SLC28A2: variants seen among roughly 807,000 people sequenced by gnomAD.
The protein encoded by SLC28A2 is solute carrier family 28 member 2, also known as sodium/nucleoside cotransporter 2.
Under a neutral mutation model 72.9 loss-of-function variants are expected in SLC28A2, and 69 were observed. The observed-to-expected ratio is 0.95, with a 90% CI of 0.78 to 1.16. SLC28A2 has a LOEUF of 1.16. SLC28A2 is among the 50% of genes most tolerant of loss of function. SLC28A2 has a pLI of 0.00. For synonymous variants in SLC28A2, 296 were observed against 294.1 expected, an observed-to-expected ratio of 1.01 and a Z score of -0.07; for missense variants, 745 against 791.1, an observed-to-expected ratio of 0.94 and a Z score of 0.70.
chr15:45,265,159 C>T lies in SLC28A2; in HGVS notation c.773C>T (p.Ala258Val). 1 of 1,600,330 alleles carries T rather than the reference C, an allele frequency of 6.2e-7. No individual in the cohort carries two copies. Among genetic ancestry groups the T allele is most frequent in the Non-Finnish European group, 8.6e-7 (1 of 1,167,590 alleles). ...GATACACTGGTCAAGGATGTCTTTG[C>T]TTTTCAGGTGATACCTATTTTATGG... ...FGDTLVKDVF[A>V]FQALPIIIFF... is the part of the protein sequence containing the mutation. Residue 258 changes from alanine to valine, a missense_variant, in exon 8 of 18, where the codon GCT (alanine) becomes GTT (valine). Physicochemically the swap from Ala to Val is moderately conservative, Grantham distance 64 (BLOSUM62 0). Transcript: ENST00000347644.
chr15:45,265,261 T>G, intron 8 of SLC28A2, 95 bp downstream of exon 8: 1 of 858,418 alleles, frequency 1.2e-6, no homozygotes, highest in Non-Finnish European at 2.0e-6. Context: ...TCAGCGCCCC[T>G]GTATACCAAT....
At chr15:45,253,044 C>T (rs1567054586) in intron 1 of SLC28A2, among the ~76,000 whole-genome samples, 156 bp from the exon 2 acceptor site, 1 of 152,166 alleles carries the variant, frequency 6.6e-6, no homozygotes, top group Non-Finnish European at 1.5e-5. Context: ...ATTACACATC[C>T]AATCTTCTCA....
intron 6 of SLC28A2, 61 bp downstream of exon 6, chr15:45,264,083 A>T: frequency 2.0e-6 from 3 of 1,466,888 alleles, no homozygotes; most frequent in Non-Finnish European, 2.8e-6. Flanking sequence ...AGTGCTAATC[A>T]TAAAGCGTAT....
chr15:45,252,412 G>A (rs1347682092), intron 1 of SLC28A2, 134 bp downstream of exon 1: 1 of 394,580 alleles, frequency 2.5e-6, no homozygotes, highest in Admixed American at 3.4e-5. Context: ...TTGGTTATGT[G>A]TGTTTAATGA....
Position 45,272,314 on chromosome 15 carries a change from G to C in SLC28A2, c.1668G>C (p.Arg556=), listed in dbSNP as rs756638025. 4.3e-6 allele frequency: 7 copies of C among 1,613,818 alleles called. No homozygotes were observed. In the South Asian group the frequency reaches 6.6e-5, roughly 15 times the overall value. The change falls in exon 16 of 18, where the codon CGG becomes CGC. Residue 556 remains arginine, a synonymous_variant. Transcript: ENST00000347644. ...LGGLTSIVPH[R]KSDLSKVVVR... is the part of the protein sequence containing the mutation. Reference sequence around the variant, plus strand: ...CTGCAGCATCAATAGTACCTCACCGGAAGAGTGACTTGTCCAAGGTTGTGG... The same window carrying C: ...CTGCAGCATCAATAGTACCTCACCGCAAGAGTGACTTGTCCAAGGTTGTGG...
chr15:45,265,233 A>C (rs759642652), intron 8 of SLC28A2, 67 bp downstream of exon 8: 17 of 1,115,010 alleles, frequency 1.5e-5, no homozygotes, highest in Non-Finnish European at 1.8e-5. Context: ...CAGAGGATGA[A>C]AGTGTGTGTC....
intron 15 of SLC28A2, among the ~76,000 whole-genome samples, chr15:45,271,350 A>G (rs551081929): frequency 2.3e-4 from 35 of 152,234 alleles, no homozygotes; most frequent in African/African-American, 7.2e-4. Flanking sequence ...ATTGCTTGCT[A>G]TAGGAGTTTG....
Position 45,266,165 on chromosome 15 carries a change from A to C in SLC28A2, c.942+4A>C. The C allele has an allele frequency of 6.2e-7, 1 of 1,606,568 alleles. No individual in the cohort carries two copies. Among genetic ancestry groups the C allele is most frequent in the Non-Finnish European group, 8.5e-7 (1 of 1,173,088 alleles). ...AGGAAACATCTTTGTGGGTATGGTA[A>C]GCACCTTGAGGACTTTTGGTCTTCT... On this transcript the variant is annotated splice_donor_region_variant and intron_variant, in intron 10 of 17. Coordinates refer to ENST00000347644, the MANE Select transcript of SLC28A2 (RefSeq NM_004212.4).
chr15:45,253,361 T>C, intron 2 of SLC28A2, 65 bp downstream of exon 2: 1 of 1,552,338 alleles, frequency 6.4e-7, no homozygotes, highest in Non-Finnish European at 8.9e-7. Context: ...TGTAGGGTAT[T>C]TGGCTGCTCT....
intron 15 of SLC28A2, 116 bp from the exon 16 acceptor site, chr15:45,272,179 A>T (rs926512671): frequency 1.6e-5 from 12 of 739,388 alleles, no homozygotes; most frequent in Non-Finnish European, 2.3e-5. Context: ...GGTAATAAGG[A>T]TGCTCTTCAT....
chr15:45,265,838 G>A (rs1900316486), intron 9 of SLC28A2, among the ~76,000 whole-genome samples, 175 bp downstream of exon 9: 1 of 152,228 alleles, frequency 6.6e-6, no homozygotes, highest in African/African-American at 2.4e-5. Context: ...GCTGAGGGCA[G>A]AGCAGAGAGA....
rs202176699 is a variant in SLC28A2, at chr15:45,275,535, A to C, written c.*22A>C. On this transcript the variant is annotated 3_prime_UTR_variant, in exon 18 of 18. Coordinates refer to ENST00000347644, the MANE Select transcript of SLC28A2 (RefSeq NM_004212.4). ...CTAAGGCTGCTTGATCTATTTCTAT[A>C]ACAGTTTTGATCTTAAAAGCTTTGT... The C allele has an allele frequency of 6.9e-7, 1 of 1,454,234 alleles. No individual in the cohort carries two copies. The highest frequency in any genetic ancestry group is 9.6e-7 in the Non-Finnish European group (1 of 1,037,920). 90.1% of individuals were successfully genotyped at this position (1,454,234 alleles called of 1,614,324 possible).
Position 45,267,797 on chromosome 15 carries a change from G to T in SLC28A2, c.1199+1G>T. 6.2e-7 allele frequency: 1 copy of T among 1,613,938 alleles called. No homozygotes were observed. The highest frequency in any genetic ancestry group is 8.5e-7 in the Non-Finnish European group (1 of 1,179,948). ...AGGAGGGGGTAAAGCTGCCCCGTGG[G>T]TGAGTCCAAGGAGGCATATACTTTG... On this transcript the variant is annotated splice_donor_variant, in intron 12 of 17. Coordinates refer to ENST00000347644, the MANE Select transcript of SLC28A2 (RefSeq NM_004212.4). LOFTEE classifies it high-confidence loss of function.
rs1900768046 is a variant in SLC28A2 at position 45,276,823 on chromosome 15, T to TA, written c.*1311dup. ...AAATCTGCAAACTTCTTAACAACAT[T>TA]ACACAGTAAACAAAAAATACTTCCT... On this transcript the variant is annotated 3_prime_UTR_variant, in exon 18 of 18. Coordinates refer to ENST00000347644, the MANE Select transcript of SLC28A2 (RefSeq NM_004212.4). 1 of 152,186 alleles carries TA rather than the reference T, an allele frequency of 6.6e-6. No homozygotes were observed. The highest frequency in any genetic ancestry group is 2.1e-4 in the South Asian group (1 of 4,826). 9.4% of individuals were successfully genotyped at this position (152,186 alleles called of 1,614,324 possible). A position where few individuals can be genotyped will look rare whatever the true frequency, so the allele number is the denominator to read the frequency against.
chr15:45,273,977 G>C (rs180760507), intron 17 of SLC28A2, among the ~76,000 whole-genome samples: 24 of 152,190 alleles, frequency 1.6e-4, no homozygotes, highest in Non-Finnish European at 2.5e-4. Flanking sequence ...ATTGTATTGA[G>C]ATGGGGTCTC....
Position 45,277,392 on chromosome 15 carries a change from G to A in SLC28A2, c.*1879G>A, listed in dbSNP as rs1411216401. 6.6e-6 allele frequency: 1 copy of A among 151,832 alleles called. No individual in the cohort carries two copies. The highest frequency in any genetic ancestry group is 2.4e-5 in the African/African-American group (1 of 41,322). 9.4% of individuals were successfully genotyped at this position (151,832 alleles called of 1,614,324 possible). A position where few individuals can be genotyped will look rare whatever the true frequency, so the allele number is the denominator to read the frequency against. On this transcript the variant is annotated 3_prime_UTR_variant, in exon 18 of 18. Transcript: ENST00000347644. ...AAGTACATGTACATGCATGTTCACAGTAGCACTATTCAAAATAGCCAAAAA... is the reference window on the plus strand; with the variant it reads ...AAGTACATGTACATGCATGTTCACAATAGCACTATTCAAAATAGCCAAAAA...
intron 3 of SLC28A2, among the ~76,000 whole-genome samples, chr15:45,259,397 T>C (rs1390543148): frequency 6.6e-5 from 10 of 152,192 alleles, no homozygotes; most frequent in Non-Finnish European, 1.5e-5. Context: ...TCTTGAACTA[T>C]TGGGCTCAAG....
At chr15:45,272,899 T>A (rs549721393) in intron 17 of SLC28A2, 115 bp downstream of exon 17, 3 of 626,206 alleles carry the variant, frequency 4.8e-6, no homozygotes, top group Non-Finnish European at 5.8e-6. Context: ...ATGGCCTAGA[T>A]CAGTGTTCTT....
intron 15 of SLC28A2, chr15:45,271,986 G>C (rs1900586523): frequency 3.5e-6 from 1 of 283,854 alleles, no homozygotes; most frequent in African/African-American, 2.2e-5. Context: ...CCAGGCATTT[G>C]TACCTGTCTG....
Sources: gnomAD v4.1 joint callset for allele counts (sites outside exome capture counted in the v4.1 genomes callset) on GRCh38, gnomAD v4.1.1 for gene constraint, MANE v1.5 for transcripts, NCBI Gene and HGNC (gene_info 2026-07-23, HGNC 2026-07-21) for gene names.